The following CDKAL1 variants were observed in gnomAD, a reference collection of about 807,000 sequenced individuals.
The protein encoded by CDKAL1 is CDKAL1 threonylcarbamoyladenosine tRNA methylthiotransferase.
Under a neutral mutation model 68.2 loss-of-function variants are expected in CDKAL1, and 32 were observed. The observed-to-expected ratio is 0.47, with a 90% CI of 0.35 to 0.63. CDKAL1 has a LOEUF of 0.63. Among genes scored for constraint, CDKAL1 ranks in the 30% least tolerant of loss-of-function variants. The pLI is 0.00. For missense variants in CDKAL1, 606 were observed against 696.7 expected (o/e 0.87, Z 1.47); for synonymous variants, 234 against 244.3 (o/e 0.96, Z 0.39).
At chr6:21,090,015 T>A (rs542269641) in intron 12 of CDKAL1, among the ~76,000 whole-genome samples, 4 of 152,220 alleles carry the variant, frequency 2.6e-5, no homozygotes, top group Admixed American at 2.0e-4. Flanking sequence ...GTGTTAGGGT[T>A]ATCCTCATTC....
chr6:21,164,004 T>C (rs1777035695), intron 13 of CDKAL1, among the ~76,000 whole-genome samples: 1 of 151,944 alleles, frequency 6.6e-6, no homozygotes, highest in South Asian at 2.1e-4. Context: ...TAGTTATTAA[T>C]TAGGCTCCCT....
chr6:20,571,134 T>C (rs986291138), intron 4 of CDKAL1, among the ~76,000 whole-genome samples: 5 of 152,064 alleles, frequency 3.3e-5, no homozygotes, highest in African/African-American at 1.2e-4. Context: ...GTACTATAGG[T>C]GAAAGAGAGA....
At chr6:21,044,025 G>A in intron 11 of CDKAL1, among the ~76,000 whole-genome samples, 1 of 152,208 alleles carries the variant, frequency 6.6e-6, no homozygotes, top group East Asian at 1.9e-4. Flanking sequence ...TTCTATTGAT[G>A]TCACACTTTG....
intron 12 of CDKAL1, among the ~76,000 whole-genome samples, chr6:21,094,838 C>T (rs181642383): frequency 2.0e-5 from 3 of 152,306 alleles, no homozygotes; most frequent in Admixed American, 6.5e-5. Context: ...ATATAAAGCA[C>T]TATCTGTGTC....
At chr6:20,708,101 T>C (rs1201450709) in intron 5 of CDKAL1, among the ~76,000 whole-genome samples, 1 of 152,222 alleles carries the variant, frequency 6.6e-6, no homozygotes, top group East Asian at 1.9e-4. Flanking sequence ...TTATGACTTA[T>C]CTTGGTAACT....
chr6:20,753,953 C>CTGTGTG lies in CDKAL1; in HGVS notation c.469-4639_469-4638insGTGTGT, dbSNP rs1256988409. Reference sequence around the variant, plus strand: ...CATTTTCACCAACACTCGTTATTATCTGTATGTGTGTGTGTGTGTGTGTGT... The same window carrying CTGTGTG: ...CATTTTCACCAACACTCGTTATTATCTGTGTGTGTATGTGTGTGTGTGTGTGTGTGT... On this transcript the variant is annotated intron_variant, in intron 6 of 15. Coordinates refer to ENST00000274695, the MANE Select transcript of CDKAL1 (RefSeq NM_017774.3). Among the ~76,000 whole-genome samples the CTGTGTG allele has an allele frequency of 2.4e-4, 27 of 113,854 alleles. No homozygotes were observed. In the East Asian group the frequency reaches 4.2e-3, roughly 18 times the overall value. 74.7% of individuals were successfully genotyped at this position (113,854 alleles called of 152,430 possible).
intron 13 of CDKAL1, among the ~76,000 whole-genome samples, chr6:21,175,130 G>A (rs1024349537): frequency 6.6e-6 from 1 of 152,130 alleles, no homozygotes; most frequent in Admixed American, 6.6e-5. Context: ...ATAGAGTCAA[G>A]AATCCCATTA....
chr6:20,851,816 T>A (rs1416212908), intron 9 of CDKAL1, among the ~76,000 whole-genome samples: 1 of 151,854 alleles, frequency 6.6e-6, no homozygotes, highest in Admixed American at 6.6e-5. Context: ...TGCTTCCAAC[T>A]TTTTTAGATA....
At chr6:20,587,615 C>G (rs1015883738) in intron 4 of CDKAL1, among the ~76,000 whole-genome samples, 1 of 151,988 alleles carries the variant, frequency 6.6e-6, no homozygotes, top group African/African-American at 2.4e-5. Context: ...CACCTGTAGT[C>G]CCAGCTACTC....
intron 9 of CDKAL1, among the ~76,000 whole-genome samples, chr6:20,882,779 C>T (rs1308147925): frequency 1.3e-5 from 2 of 152,160 alleles, no homozygotes. Flanking sequence ...AGAACATGTC[C>T]AGTGTCATTT....
At chr6:20,894,767 G>A (rs1761590221) in intron 9 of CDKAL1, among the ~76,000 whole-genome samples, 1 of 152,108 alleles carries the variant, frequency 6.6e-6, no homozygotes, top group African/African-American at 2.4e-5. Flanking sequence ...CAGCACTTTG[G>A]GAGGCCAAGG....
intron 12 of CDKAL1, among the ~76,000 whole-genome samples, chr6:21,083,244 A>G (rs1028584883): frequency 1.1e-4 from 17 of 152,196 alleles, no homozygotes; most frequent in Non-Finnish European, 2.2e-4. Flanking sequence ...TTTGTGCAAG[A>G]AACAAAGGTT....
At chr6:20,883,625 G>T (rs1009345483) in intron 9 of CDKAL1, among the ~76,000 whole-genome samples, 9 of 152,170 alleles carry the variant, frequency 5.9e-5, no homozygotes. Context: ...GAAGTATTTG[G>T]GGTGAAGTGT....
chr6:20,810,683 A>G (rs1350954485), intron 8 of CDKAL1, among the ~76,000 whole-genome samples: 1 of 150,932 alleles, frequency 6.6e-6, no homozygotes, highest in Non-Finnish European at 1.5e-5. Flanking sequence ...TGCTAAAAAA[A>G]AAAAGTGTTT....
chr6:21,226,243 A>T (rs1779736596), intron 15 of CDKAL1, among the ~76,000 whole-genome samples: 1 of 152,010 alleles, frequency 6.6e-6, no homozygotes, highest in Non-Finnish European at 1.5e-5. Flanking sequence ...ATTTATCTTT[A>T]ACTGATTGAA....
chr6:20,963,230 C>T (rs1765141828), intron 10 of CDKAL1, among the ~76,000 whole-genome samples: 1 of 152,008 alleles, frequency 6.6e-6, no homozygotes, highest in Admixed American at 6.6e-5. Context: ...ATTATAGGCT[C>T]TACCTAACAT....
At chr6:20,595,319 G>A (rs1217355909) in intron 4 of CDKAL1, among the ~76,000 whole-genome samples, 2 of 152,100 alleles carry the variant, frequency 1.3e-5, no homozygotes, top group Admixed American at 6.5e-5. Context: ...ATCAAACGTA[G>A]GTTTGGTCTT....
intron 8 of CDKAL1, among the ~76,000 whole-genome samples, chr6:20,816,678 A>G (rs1261491526): frequency 6.6e-6 from 1 of 151,024 alleles, no homozygotes; most frequent in Admixed American, 6.6e-5. Context: ...TAATTAATCT[A>G]ATTGGATCAG....
At chr6:20,991,619 A>T (rs540838094) in intron 10 of CDKAL1, among the ~76,000 whole-genome samples, 1 of 146,546 alleles carries the variant, frequency 6.8e-6, no homozygotes, top group African/African-American at 2.5e-5. Flanking sequence ...AGGCAGGAGA[A>T]TTGCTTGAAC....
Sources: gnomAD v4.1 joint callset for allele counts (sites outside exome capture counted in the v4.1 genomes callset) on GRCh38, gnomAD v4.1.1 for gene constraint, MANE v1.5 for transcripts, NCBI Gene and HGNC (gene_info 2026-07-23, HGNC 2026-07-21) for gene names.